The following DDX10 variants were observed in gnomAD, a reference collection of about 807,000 sequenced individuals.
DDX10 encodes the protein probable ATP-dependent RNA helicase DDX10.
DDX10 carries 74 observed loss-of-function variants against 104.3 expected under a neutral mutation model. The ratio of observed to expected loss-of-function variants is 0.71; its 90% CI spans 0.59 to 0.86. The LOEUF is 0.86. DDX10 is among the 40% of genes least tolerant of loss of function. The pLI, the probability that DDX10 is intolerant of heterozygous loss-of-function variation, is 0.00. For synonymous variants in DDX10, 351 were observed against 353.4 expected (o/e 0.99, Z 0.08); for missense variants, 952 against 1,040.0 (o/e 0.92, Z 1.16).
At position 108,787,362 on chromosome 11, in the gene DDX10, G is replaced by GT. The variant is rs968491790; in HGVS notation, c.1966-51078dup. ...GTATAGTATCTCGCGTGGGTTCTCT[G>GT]TTTTTTCTGAATTTATATGTCTTCC... On this transcript the variant is annotated intron_variant, in intron 13 of 17. Coordinates refer to ENST00000322536, the MANE Select transcript of DDX10 (RefSeq NM_004398.4). Among the ~76,000 whole-genome samples the GT allele has an allele frequency of 4.6e-5, 7 of 151,986 alleles. No homozygotes were observed. In the East Asian group the frequency reaches 7.7e-4, roughly 17 times the overall value.
chr11:108,889,854 A>G (rs981451974), intron 16 of DDX10, among the ~76,000 whole-genome samples: 3 of 152,212 alleles, frequency 2.0e-5, no homozygotes, highest in African/African-American at 4.8e-5. Context: ...AGTATAAATG[A>G]TTGTTCTGGC....
intron 16 of DDX10, among the ~76,000 whole-genome samples, chr11:108,856,038 T>C (rs1187068587): frequency 6.6e-6 from 1 of 152,222 alleles, no homozygotes; most frequent in Non-Finnish European, 1.5e-5. Context: ...TAGGTAATAG[T>C]TTCTTGAATA....
Position 108,675,715 on chromosome 11 carries a change from T to G in DDX10, c.367T>G (p.Phe123Val). Reference protein sequence around the residue: ...AKTGSGKTLAFLVPVLEALYR... With the variant: ...AKTGSGKTLAVLVPVLEALYR... ...AACTGGATCTGGCAAGACTCTGGCT[T>G]TTCTTGTTCCAGTAAGTACATTGTC... Residue 123 changes from phenylalanine (F) to valine (V), a missense_variant, in exon 3 of 18, where the codon TTT becomes GTT. Phe to Val is a conservative substitution (Grantham distance 50). This residue lies in a region of DDX10 where 412 missense variants were observed against 479.2 expected (regional missense o/e 0.86). Coordinates refer to ENST00000322536, the MANE Select transcript of DDX10 (RefSeq NM_004398.4). 6.2e-7 allele frequency: 1 copy of G among 1,614,154 alleles called. No individual in the cohort carries two copies. Among genetic ancestry groups the G allele is most frequent in the South Asian group, 1.1e-5 (1 of 91,072 alleles).
chr11:108,669,708 A>G (rs1463933478), intron 1 of DDX10, among the ~76,000 whole-genome samples: 1 of 152,226 alleles, frequency 6.6e-6, no homozygotes, highest in East Asian at 1.9e-4. Flanking sequence ...GCTGACCTTA[A>G]AGTAGGGCGA....
intron 6 of DDX10, among the ~76,000 whole-genome samples, chr11:108,685,392 G>A (rs942012363): frequency 3.3e-5 from 5 of 151,354 alleles, no homozygotes; most frequent in East Asian, 1.9e-4. Flanking sequence ...GCTTCGGCTC[G>A]CGCACGGTGC....
At chr11:108,845,172 T>C (rs906473256) in intron 15 of DDX10, among the ~76,000 whole-genome samples, 1 of 152,170 alleles carries the variant, frequency 6.6e-6, no homozygotes, top group African/African-American at 2.4e-5. Flanking sequence ...CGCGCCACTG[T>C]ACTCCAGCCT....
At chr11:108,732,216 A>G (rs2094313194) in intron 13 of DDX10, among the ~76,000 whole-genome samples, 1 of 152,180 alleles carries the variant, frequency 6.6e-6, no homozygotes, top group South Asian at 2.1e-4. Context: ...CTTTCTGCAT[A>G]AGTTCTCATT....
rs1245796334 is a variant in DDX10 at position 108,842,412 on chromosome 11, A to T, written c.2247+936A>T. ...AATACCTTTGGATGTGAACATTGTT[A>T]AGTACATTCTGAGAAGGATTCTTAG... On this transcript the variant is annotated intron_variant, in intron 15 of 17. Coordinates refer to ENST00000322536, the MANE Select transcript of DDX10 (RefSeq NM_004398.4). Among the ~76,000 whole-genome samples, 8 of 152,330 alleles carry T rather than the reference A, an allele frequency of 5.3e-5. No homozygotes were observed. In the South Asian group the frequency reaches 1.7e-3, roughly 32 times the overall value.
At chr11:108,818,195 A>G (rs1229214958) in intron 13 of DDX10, among the ~76,000 whole-genome samples, 2 of 152,168 alleles carry the variant, frequency 1.3e-5, no homozygotes, top group African/African-American at 4.8e-5. Context: ...TTACAACACC[A>G]TTATCAAGGT....
chr11:108,917,680 TTTTGAAATGATAAGGA>T (rs1863768862), intron 16 of DDX10, among the ~76,000 whole-genome samples, 177 bp from the exon 17 acceptor site: 1 of 152,246 alleles, frequency 6.6e-6, no homozygotes, highest in African/African-American at 2.4e-5. Context: ...CTTCTTTTAT[TTTTGAAATGATAAGGA>T]TTTTCATTTC....
At chr11:108,824,217 G>GTCTT (rs1371502269) in intron 13 of DDX10, among the ~76,000 whole-genome samples, 3 of 152,100 alleles carry the variant, frequency 2.0e-5, no homozygotes, top group Admixed American at 1.3e-4. Context: ...TAATTTTTGT[G>GTCTT]TCTTTAGTAG....
intron 13 of DDX10, among the ~76,000 whole-genome samples, chr11:108,753,527 C>T (rs2094341024): frequency 6.6e-6 from 1 of 151,958 alleles, no homozygotes; most frequent in African/African-American, 2.4e-5. Context: ...TGGCCGTTCT[C>T]CCTCTGTCCA....
chr11:108,935,819 T>C (rs1864030101), intron 17 of DDX10, among the ~76,000 whole-genome samples: 2 of 152,178 alleles, frequency 1.3e-5, no homozygotes, highest in Non-Finnish European at 2.9e-5. Context: ...CAAAATAGAA[T>C]TTCCCTGTCA....
chr11:108,909,313 C>T (rs1478240190), intron 16 of DDX10, among the ~76,000 whole-genome samples: 2 of 152,184 alleles, frequency 1.3e-5, no homozygotes, highest in Admixed American at 6.5e-5. Flanking sequence ...CCAGGAAGGG[C>T]ATGGAAGTTC....
intron 9 of DDX10, among the ~76,000 whole-genome samples, chr11:108,699,795 A>G (rs998742460): frequency 3.3e-5 from 5 of 152,316 alleles, no homozygotes; most frequent in South Asian, 2.1e-4. Context: ...TTTCAAGGAT[A>G]AAAACAATCC....
intron 13 of DDX10, among the ~76,000 whole-genome samples, chr11:108,764,083 T>C (rs916255489): frequency 9.2e-5 from 14 of 152,222 alleles, no homozygotes; most frequent in African/African-American, 3.4e-4. Flanking sequence ...ATGGAAAATC[T>C]TTAGAACTTC....
At chr11:108,915,733 T>G (rs1863739227) in intron 16 of DDX10, among the ~76,000 whole-genome samples, 1 of 152,156 alleles carries the variant, frequency 6.6e-6, no homozygotes, top group Non-Finnish European at 1.5e-5. Flanking sequence ...AAGAAGCTAT[T>G]ACACATCAAC....
intron 6 of DDX10, among the ~76,000 whole-genome samples, chr11:108,686,950 A>T (rs1591791724): frequency 6.6e-6 from 1 of 151,898 alleles, no homozygotes; most frequent in East Asian, 2.0e-4. Context: ...ACGCCCGGCT[A>T]CTTTTTTTGT....
rs143445553 is a variant in DDX10 at position 108,758,376 on chromosome 11, G to A, written c.1965+34914G>A. 3.2e-4 allele frequency among the ~76,000 whole-genome samples: 49 copies of A among 152,144 alleles called. No homozygotes were observed. The East Asian group carries it at 8.5e-3, about 26-fold the overall frequency. On this transcript the variant is annotated intron_variant, in intron 13 of 17. Coordinates refer to ENST00000322536, the MANE Select transcript of DDX10 (RefSeq NM_004398.4). ...CTTAGCAGTAAAACTTCTGGCTTTG[G>A]TAAAACATTAGGACAGGAGGATCTG...
Sources: allele counts gnomAD v4.1 joint callset (sites outside exome capture counted in the v4.1 genomes callset), GRCh38; gene constraint gnomAD v4.1.1; regional missense constraint gnomAD v4.1.1; transcripts MANE v1.5; gene names NCBI Gene and HGNC (gene_info 2026-07-23, HGNC 2026-07-21).